Variants in CENPV observed in about 807,000 individuals in gnomAD.
The protein encoded by CENPV is nuclear protein p30.
Under a neutral mutation model 26.4 loss-of-function variants are expected in CENPV, and 15 were observed. The observed-to-expected ratio is 0.57, with a 90% CI of 0.38 to 0.88. The LOEUF (loss-of-function observed/expected upper bound fraction) is 0.88. Among genes scored for constraint, CENPV ranks in the 40% least tolerant of loss-of-function variants. The probability of loss-of-function intolerance (pLI) is 0.00; values close to 1 mark genes in which losing one functional copy is unlikely to be tolerated. For synonymous variants in CENPV, 172 were observed against 165.5 expected, an observed-to-expected ratio of 1.04 and a Z score of -0.30; for missense variants, 336 against 376.5, an observed-to-expected ratio of 0.89 and a Z score of 0.89.
chr17:16,352,844 G>A (rs948176628), intron 1 of CENPV, among the ~76,000 whole-genome samples, 183 bp downstream of exon 1: 2 of 151,242 alleles, frequency 1.3e-5, no homozygotes, highest in Non-Finnish European at 3.0e-5. Context: ...GCACCGCCCC[G>A]CCCCGCCGCC....
intron 4 of CENPV, 71 bp from the exon 5 acceptor site, chr17:16,343,012 G>A: frequency 1.3e-6 from 2 of 1,569,448 alleles, no homozygotes; most frequent in South Asian, 2.2e-5. Context: ...CCGGCTCCTG[G>A]ATAAGCCCCC....
intron 2 of CENPV, 146 bp downstream of exon 2, chr17:16,349,785 C>T: frequency 6.9e-7 from 1 of 1,442,668 alleles, no homozygotes; most frequent in East Asian, 2.6e-5. Context: ...GAACAATGAA[C>T]CTTTCTGTCC....
At chr17:16,345,629 C>T (rs1156420832) in intron 3 of CENPV, among the ~76,000 whole-genome samples, 1 of 151,396 alleles carries the variant, frequency 6.6e-6, no homozygotes, top group Non-Finnish European at 1.5e-5. Flanking sequence ...GAGACTGGGA[C>T]CTTCTTGAGG....
intron 1 of CENPV, among the ~76,000 whole-genome samples, chr17:16,352,407 C>T (rs541921389): frequency 6.6e-6 from 1 of 152,264 alleles, no homozygotes; most frequent in South Asian, 2.1e-4. Flanking sequence ...AAAAGCCTCC[C>T]TACGTAGGTA....
chr17:16,342,728 A>T lies in CENPV; in HGVS notation c.*89T>A. ...ACGGAACCAGCAGCCCAGGTCAGCC[A>T]CATTCAGGAGCACCACCGAGGCACG... On this transcript the variant is annotated 3_prime_UTR_variant, in exon 5 of 5. Transcript: ENST00000299736. 1 of 1,530,208 alleles carries T rather than the reference A, an allele frequency of 6.5e-7. No homozygotes were observed. The highest frequency in any genetic ancestry group is 9.0e-7 in the Non-Finnish European group (1 of 1,110,020). 94.8% of individuals were successfully genotyped at this position (1,530,208 alleles called of 1,614,324 possible). A position where few individuals can be genotyped will look rare whatever the true frequency, so the allele number is the denominator to read the frequency against.
At chr17:16,349,502 G>A (rs965890127) in intron 2 of CENPV, 8 of 987,412 alleles carry the variant, frequency 8.1e-6, no homozygotes, top group Non-Finnish European at 9.6e-6. Flanking sequence ...AGCAGAGCGA[G>A]AGTGGAGGGC....
At chr17:16,344,530 C>CTAAA (rs2093196571) in intron 4 of CENPV, 67 bp downstream of exon 4, 2 of 904,520 alleles carry the variant, frequency 2.2e-6, no homozygotes, top group Non-Finnish European at 1.6e-6. Flanking sequence ...CCAAATAAGA[C>CTAAA]TTTAAATGAG....
intron 3 of CENPV, 170 bp downstream of exon 3, chr17:16,348,446 T>A (rs1399078808): frequency 7.0e-7 from 1 of 1,423,902 alleles, no homozygotes; most frequent in African/African-American, 1.4e-5. Flanking sequence ...CGTGAGCCAC[T>A]GTGCCGGGCC....
intron 4 of CENPV, among the ~76,000 whole-genome samples, chr17:16,344,137 G>A (rs1299270878): frequency 7.9e-5 from 12 of 152,002 alleles, no homozygotes; most frequent in Non-Finnish European, 1.3e-4. Flanking sequence ...GTGAGCCACC[G>A]CAGCCAGCCA....
Position 16,353,332 on chromosome 17 carries a change from G to T in CENPV, c.105C>A (p.Ser35Arg). 7.3e-7 allele frequency: 1 copy of T among 1,376,774 alleles called. No individual in the cohort carries two copies. Among genetic ancestry groups the T allele is most frequent in the South Asian group, 1.6e-5 (1 of 63,432 alleles). The allele number at this position is 1,376,774 out of a possible 1,614,324, so 85.3% of individuals were successfully genotyped here. A position where few individuals can be genotyped will look rare whatever the true frequency, so the allele number is the denominator to read the frequency against. ...TAGCGGAGCGCCGTGTGCGGGTGGC[G>T]CTGGGTGCCAAGGCAGCGGCCGCGG... ...AASAAAALAP[S>R]ATRTRRSASQ... The change falls in exon 1 of 5, where the codon AGC (serine) becomes AGA (arginine). Residue 35 changes from serine to arginine, a missense_variant. Physicochemically the swap from Ser to Arg is moderately radical, Grantham distance 110. Coordinates refer to ENST00000299736, the MANE Select transcript of CENPV (RefSeq NM_181716.3).
chr17:16,351,565 A>G (rs1382703199), intron 1 of CENPV: 1 of 152,224 alleles, frequency 6.6e-6, no homozygotes, highest in Non-Finnish European at 1.5e-5. Flanking sequence ...TGTAATCTTT[A>G]CACCCAGAGG....
In CENPV at chr17:16,342,580, A is replaced by G; in HGVS notation, c.*237T>C. On this transcript the variant is annotated 3_prime_UTR_variant, in exon 5 of 5. Coordinates refer to ENST00000299736, the MANE Select transcript of CENPV (RefSeq NM_181716.3). ...TATTTTTTTTCCTAAAAGATCACACAAAAGTTGGGAAGAGAAGGATGTCAA... is the reference window on the plus strand; with the variant it reads ...TATTTTTTTTCCTAAAAGATCACACGAAAGTTGGGAAGAGAAGGATGTCAA... The G allele has an allele frequency of 1.9e-6, 1 of 532,816 alleles. No homozygotes were observed. 33.0% of individuals were successfully genotyped at this position (532,816 alleles called of 1,614,324 possible). A position where few individuals can be genotyped will look rare whatever the true frequency, so the allele number is the denominator to read the frequency against.
chr17:16,349,778 C>T (rs1484100656), intron 2 of CENPV, 153 bp downstream of exon 2: 1 of 1,440,254 alleles, frequency 6.9e-7, no homozygotes, highest in Non-Finnish European at 9.1e-7. Flanking sequence ...AAAAATAGAA[C>T]AATGAACCTT....
chr17:16,348,974 C>G, intron 2 of CENPV: 1 of 1,101,404 alleles, frequency 9.1e-7, no homozygotes, highest in Non-Finnish European at 1.1e-6. Flanking sequence ...TGAAGAGAAG[C>G]GCTGGACTTC....
At position 16,342,806 on chromosome 17, in the gene CENPV, G is replaced by T. The variant is rs141730289; in HGVS notation, c.*11C>A. 1 of 1,613,878 alleles carries T rather than the reference G, an allele frequency of 6.2e-7. No individual in the cohort carries two copies. Among genetic ancestry groups the T allele is most frequent in the Non-Finnish European group, 8.5e-7 (1 of 1,179,982 alleles). The stretch of plus-strand genomic sequence containing the variant: ...ATCATTCCTCCTTTTCAGGGCAGGA[G>T]AGGCAGAAGCTCACTCTTTAGACAT... On this transcript the variant is annotated 3_prime_UTR_variant, in exon 5 of 5. Coordinates refer to ENST00000299736, the MANE Select transcript of CENPV (RefSeq NM_181716.3).
At chr17:16,348,739 T>C (rs750986657) in intron 2 of CENPV, 54 bp from the exon 3 acceptor site, 4 of 1,609,096 alleles carry the variant, frequency 2.5e-6, no homozygotes, top group African/African-American at 1.3e-5. Context: ...GCATCCTCTA[T>C]GCCTGAGCGG....
At chr17:16,348,813 G>A in intron 2 of CENPV, 128 bp from the exon 3 acceptor site, 2 of 1,482,894 alleles carry the variant, frequency 1.3e-6, no homozygotes, top group South Asian at 1.3e-5. Context: ...CAGGGCCGAG[G>A]AGCTGGGGCA....
intron 1 of CENPV, among the ~76,000 whole-genome samples, chr17:16,352,531 G>C (rs1037997196): frequency 6.6e-6 from 1 of 152,114 alleles, no homozygotes; most frequent in South Asian, 2.1e-4. Context: ...ACGGGATTTT[G>C]CTTCCCAGTG....
intron 4 of CENPV, 177 bp downstream of exon 4, chr17:16,344,420 G>A (rs75067618): frequency 0.012 from 4,277 of 365,292 alleles, 39 homozygotes; most frequent in Admixed American, 0.031. Flanking sequence ...AAGTTTCACC[G>A]GAGCCCGACT....
Sources: allele counts gnomAD v4.1 joint callset (sites outside exome capture counted in the v4.1 genomes callset), GRCh38; gene constraint gnomAD v4.1.1; transcripts MANE v1.5; gene names NCBI Gene and HGNC (gene_info 2026-07-23, HGNC 2026-07-21).